Variants in BTRC observed in about 807,000 individuals in gnomAD.
The protein encoded by BTRC is beta-transducin repeat containing E3 ubiquitin protein ligase.
A neutral mutation model predicts 85.5 loss-of-function variants in BTRC; 42 were observed. The observed-to-expected ratio is 0.49, with a 90% CI of 0.38 to 0.64. BTRC has a LOEUF of 0.64. Among genes scored for constraint, BTRC ranks in the 30% least tolerant of loss-of-function variants. BTRC has a pLI of 0.00. For missense variants in BTRC, 594 were observed against 743.5 expected (o/e 0.80, Z 2.34); for synonymous variants, 255 against 263.3 (o/e 0.97, Z 0.30).
At chr10:101,548,711 C>T (rs758660504) in intron 13 of BTRC, among the ~76,000 whole-genome samples, 2 of 151,738 alleles carry the variant, frequency 1.3e-5, no homozygotes, top group Non-Finnish European at 2.9e-5. Context: ...GAGATTGCAC[C>T]ACTGCACTCC....
chr10:101,451,877 G>C (rs945496095), intron 2 of BTRC, among the ~76,000 whole-genome samples: 1 of 152,142 alleles, frequency 6.6e-6, no homozygotes, highest in Non-Finnish European at 1.5e-5. Flanking sequence ...CTCAGCTGTT[G>C]AGCAGCAGAC....
intron 4 of BTRC, among the ~76,000 whole-genome samples, chr10:101,518,843 A>G (rs1448954938): frequency 1.6e-5 from 2 of 121,346 alleles, no homozygotes; most frequent in Non-Finnish European, 4.0e-5. Context: ...AATGATCTCT[A>G]ACCACTTAAA....
intron 2 of BTRC, among the ~76,000 whole-genome samples, chr10:101,437,490 A>G (rs1481210631): frequency 6.6e-6 from 1 of 152,242 alleles, no homozygotes; most frequent in East Asian, 1.9e-4. Flanking sequence ...ATTATGAGAT[A>G]TACAGTTAAA....
rs1176651688 is a variant in BTRC, at chr10:101,522,409, C to CTTTTTTTTTTTTTTTTTTTTTTTTT, written c.556+543_556+567dup. Among the ~76,000 whole-genome samples, 6 of 29,544 alleles carry CTTTTTTTTTTTTTTTTTTTTTTTTT rather than the reference C, an allele frequency of 2.0e-4. 3 individuals carry two copies. The highest frequency in any genetic ancestry group is 2.6e-4 in the African/African-American group (2 of 7,654). The allele number at this position is 29,544 out of a possible 152,430, so 19.4% of individuals were successfully genotyped here. ...AAAAAAACTCTAGAAATAAAGACTCCTTTTTTTTTTTTTTTTTTTTTTTTT... is the reference window on the plus strand; with the variant it reads ...AAAAAAACTCTAGAAATAAAGACTCCTTTTTTTTTTTTTTTTTTTTTTTTTTTTTTTTTTTTTTTTTTTTTTTTTT... On this transcript the variant is annotated intron_variant, in intron 5 of 14. Transcript: ENST00000370187.
intron 4 of BTRC, among the ~76,000 whole-genome samples, chr10:101,489,417 A>T (rs1055307688): frequency 6.6e-6 from 1 of 152,116 alleles, no homozygotes; most frequent in Non-Finnish European, 1.5e-5. Flanking sequence ...TAATACTTGT[A>T]TGGATTTTTG....
intron 1 of BTRC, among the ~76,000 whole-genome samples, chr10:101,415,940 A>G (rs1255044182): frequency 6.6e-6 from 1 of 152,180 alleles, no homozygotes; most frequent in Non-Finnish European, 1.5e-5. Flanking sequence ...CGGTACAGTA[A>G]CATGCTGTCC....
At chr10:101,415,526 G>T (rs375486640) in intron 1 of BTRC, among the ~76,000 whole-genome samples, 13,261 of 19,622 alleles carry the variant, frequency 0.68, 4,843 homozygotes, top group African/African-American at 0.76. Context: ...GTTATGTTAT[G>T]TTATGTTATG....
chr10:101,365,602 A>G (rs541577235), intron 1 of BTRC, among the ~76,000 whole-genome samples: 12 of 151,772 alleles, frequency 7.9e-5, no homozygotes, highest in Admixed American at 7.9e-4. Flanking sequence ...CAGCTTCCTG[A>G]GTAGCTGGGA....
intron 3 of BTRC, among the ~76,000 whole-genome samples, chr10:101,475,946 TA>T (rs1945671844): frequency 4.3e-5 from 6 of 140,062 alleles, no homozygotes; most frequent in Admixed American, 7.1e-5. Context: ...TATATATATA[TA>T]TATATATTCA....
rs762107555 is a variant in BTRC, at chr10:101,533,372, G to A, written c.1097+302G>A. 3.3e-5 allele frequency among the ~76,000 whole-genome samples: 5 copies of A among 152,140 alleles called. No individual in the cohort carries two copies. In the South Asian group the frequency reaches 6.2e-4, roughly 19 times the overall value. The stretch of plus-strand genomic sequence containing the variant: ...GCATTCCTTACAAAAACCACCTCAC[G>A]GGGGAATGATATGAATGCAATGAAG... On this transcript the variant is annotated intron_variant, in intron 9 of 14. Coordinates refer to ENST00000370187, the MANE Select transcript of BTRC (RefSeq NM_033637.4).
chr10:101,376,215 C>T (rs576262526), intron 1 of BTRC, among the ~76,000 whole-genome samples: 22 of 152,316 alleles, frequency 1.4e-4, no homozygotes, highest in African/African-American at 4.1e-4. Flanking sequence ...AGTCTAGCTA[C>T]TTGGGTGGCT....
chr10:101,354,159 G>T (rs745550951), upstream of BTRC: 6 of 1,548,390 alleles, frequency 3.9e-6, no homozygotes, highest in South Asian at 2.4e-5. Flanking sequence ...GGCGGAGAGC[G>T]GACCCAGTGG....
intron 3 of BTRC, among the ~76,000 whole-genome samples, chr10:101,463,900 T>A (rs1589502441): frequency 6.6e-6 from 1 of 151,992 alleles, no homozygotes; most frequent in Admixed American, 6.6e-5. Flanking sequence ...TTCTTTTTTT[T>A]ATAAAAATAA....
rs2062635883 is a variant in BTRC at position 101,550,721 on chromosome 10, G to A, written c.1679G>A (p.Arg560Gln). 1.2e-6 allele frequency: 2 copies of A among 1,611,830 alleles called. No homozygotes were observed. The highest frequency in any genetic ancestry group is 2.2e-5 in the East Asian group (1 of 44,828). Reference protein sequence around the residue: ...TLVEHSGRVFRLQFDEFQIVS... With the variant: ...TLVEHSGRVFQLQFDEFQIVS... The stretch of plus-strand genomic sequence containing the variant: ...TAGGAGCATTCCGGAAGAGTTTTTC[G>A]ACTACAGTTTGATGAATTCCAGATT... Residue 560 changes from arginine to glutamine, a missense_variant, in exon 14 of 15, where the codon CGA (arginine) becomes CAA (glutamine). Around this residue, in one of 4 missense-constraint regions of BTRC, gnomAD observed 373 missense variants for 503.6 expected, o/e 0.74. Transcript: ENST00000370187.
intron 2 of BTRC, among the ~76,000 whole-genome samples, chr10:101,433,948 A>G (rs1944462967): frequency 6.6e-6 from 1 of 152,178 alleles, no homozygotes. Context: ...TATTTGTAAT[A>G]GGAATTAAGA....
intron 1 of BTRC, among the ~76,000 whole-genome samples, chr10:101,384,180 A>G (rs949263771): frequency 1.3e-5 from 2 of 152,240 alleles, no homozygotes; most frequent in Admixed American, 6.5e-5. Context: ...AGTCTGTGCA[A>G]TTAGTAAAGC....
chr10:101,387,682 A>G (rs1943120270), intron 1 of BTRC, among the ~76,000 whole-genome samples: 2 of 147,994 alleles, frequency 1.4e-5, no homozygotes, highest in Admixed American at 1.3e-4. Context: ...GCCCACCACC[A>G]CACCCGGCTG....
At chr10:101,355,301 G>A (rs532292467) in intron 1 of BTRC, among the ~76,000 whole-genome samples, 1 of 152,308 alleles carries the variant, frequency 6.6e-6, no homozygotes, top group South Asian at 2.1e-4. Context: ...AGGATTTGTG[G>A]TTACCCGTCA....
chr10:101,480,954 G>A (rs1341729387), intron 4 of BTRC, among the ~76,000 whole-genome samples: 1 of 152,112 alleles, frequency 6.6e-6, no homozygotes, highest in Non-Finnish European at 1.5e-5. Flanking sequence ...GTCTTGCTCT[G>A]TTGCCCAGGG....
Sources: gnomAD v4.1 joint callset for allele counts (sites outside exome capture counted in the v4.1 genomes callset) on GRCh38, gnomAD v4.1.1 for gene constraint, gnomAD v4.1.1 regional missense constraint, MANE v1.5 for transcripts, NCBI Gene and HGNC (gene_info 2026-07-23, HGNC 2026-07-21) for gene names.